The following GRIN2B variants were observed in gnomAD, a reference collection of about 807,000 sequenced individuals.
GRIN2B encodes the protein glutamate ionotropic receptor NMDA type subunit 2B.
A neutral mutation model predicts 114.5 loss-of-function variants in GRIN2B; 5 were observed. The ratio of observed to expected loss-of-function variants is 0.04; its 90% CI spans 0.02 to 0.09. The LOEUF is 0.09. GRIN2B is among the 10% of genes least tolerant of loss of function. The pLI is 1.00. For synonymous variants in GRIN2B, 787 were observed against 745.1 expected (o/e 1.06, Z -0.92); for missense variants, 1,108 against 1,943.5 (o/e 0.57, Z 8.08).
intron 2 of GRIN2B, among the ~76,000 whole-genome samples, chr12:13,886,071 C>A (rs1319391275): frequency 1.3e-5 from 2 of 152,146 alleles, no homozygotes; most frequent in African/African-American, 2.4e-5. Context: ...TGTCCCCCAA[C>A]CCAATGCACC....
intron 2 of GRIN2B, among the ~76,000 whole-genome samples, chr12:13,924,263 C>T (rs778393233): frequency 2.6e-5 from 4 of 152,100 alleles, no homozygotes; most frequent in Non-Finnish European, 5.9e-5. Flanking sequence ...AAACAGATGG[C>T]AACTCCAAAT....
At chr12:13,590,725 T>C (rs147177353) in intron 10 of GRIN2B, among the ~76,000 whole-genome samples, 235 of 152,284 alleles carry the variant, frequency 1.5e-3, no homozygotes, top group Non-Finnish European at 2.5e-3. Flanking sequence ...GCATGTGTCT[T>C]TATAGTAGAA....
intron 5 of GRIN2B, among the ~76,000 whole-genome samples, chr12:13,669,531 T>C (rs1169965534): frequency 6.6e-5 from 10 of 152,090 alleles, no homozygotes; most frequent in Non-Finnish European, 1.3e-4. Context: ...TTCACCCCCT[T>C]AGATGCCTTC....
At chr12:13,585,008 G>A (rs1031794067) in intron 10 of GRIN2B, among the ~76,000 whole-genome samples, 12 of 152,082 alleles carry the variant, frequency 7.9e-5, no homozygotes, top group Admixed American at 6.5e-5. Context: ...AAAGAGAAAT[G>A]GCCTTTAAAG....
chr12:13,852,706 A>T (rs1865590253), intron 3 of GRIN2B, among the ~76,000 whole-genome samples: 1 of 151,642 alleles, frequency 6.6e-6, no homozygotes, highest in South Asian at 2.1e-4. Flanking sequence ...AAAAAAAAAA[A>T]AAAACAGATC....
chr12:13,925,569 C>G (rs1305011160), intron 2 of GRIN2B, among the ~76,000 whole-genome samples: 1 of 152,090 alleles, frequency 6.6e-6, no homozygotes, highest in African/African-American at 2.4e-5. Context: ...ACAGTGGCAC[C>G]AGATGCTTTA....
At chr12:13,634,442 A>C (rs373845974) in intron 5 of GRIN2B, among the ~76,000 whole-genome samples, 24 of 152,180 alleles carry the variant, frequency 1.6e-4, no homozygotes, top group Admixed American at 7.2e-4. Flanking sequence ...TGATTTGGGA[A>C]CCCAAGCCAA....
chr12:13,805,358 A>G (rs1864582992), intron 3 of GRIN2B, among the ~76,000 whole-genome samples: 1 of 152,208 alleles, frequency 6.6e-6, no homozygotes, highest in African/African-American at 2.4e-5. Context: ...TAATCTAAAC[A>G]AAGTTATATC....
chr12:13,574,553 G>A (rs1333781257), intron 10 of GRIN2B, among the ~76,000 whole-genome samples: 1 of 152,088 alleles, frequency 6.6e-6, no homozygotes, highest in Non-Finnish European at 1.5e-5. Flanking sequence ...GAAAAAAATG[G>A]CAATCCATGC....
At chr12:13,800,554 T>C (rs1334241044) in intron 3 of GRIN2B, among the ~76,000 whole-genome samples, 2 of 152,196 alleles carry the variant, frequency 1.3e-5, no homozygotes, top group Non-Finnish European at 2.9e-5. Flanking sequence ...TAAATCTCCA[T>C]TAATTGTCTA....
rs544546881 is a variant in GRIN2B, at chr12:13,601,189, G to A, written c.2010+7414C>T. Among the ~76,000 whole-genome samples the A allele has an allele frequency of 2.0e-4, 31 of 152,288 alleles. No individual in the cohort carries two copies. In the South Asian group the frequency reaches 5.8e-3, roughly 29 times the overall value. Reference sequence around the variant, plus strand: ...TGTGGCAGCCATAAAAAATAGCCACGAACAGAAGCTTATTCTCACATAGTT... The same window carrying A: ...TGTGGCAGCCATAAAAAATAGCCACAAACAGAAGCTTATTCTCACATAGTT... On this transcript the variant is annotated intron_variant, in intron 10 of 13. Transcript: ENST00000609686.
chr12:13,709,391 A>G (rs1186856612), intron 4 of GRIN2B, among the ~76,000 whole-genome samples: 1 of 152,068 alleles, frequency 6.6e-6, no homozygotes, highest in African/African-American at 2.4e-5. Context: ...ATTTTAAAGC[A>G]GCTATTATAA....
intron 3 of GRIN2B, among the ~76,000 whole-genome samples, chr12:13,756,548 G>C (rs982433833): frequency 3.9e-5 from 6 of 152,146 alleles, no homozygotes; most frequent in African/African-American, 1.4e-4. Context: ...GGGGGATTCC[G>C]AAATGAGAAA....
At position 13,564,096 on chromosome 12, in the gene GRIN2B, G is replaced by C. The variant is rs1216931858; in HGVS notation, c.3142C>G (p.Arg1048Gly). Reference sequence around the variant, plus strand: ...ATCAAGTCGTCGTGGCCACTGTAGCGGTCGCTCTTGAAGGAGAATTTGCCG... The same window carrying C: ...ATCAAGTCGTCGTGGCCACTGTAGCCGTCGCTCTTGAAGGAGAATTTGCCG... ...LYGKFSFKSD[R>G]YSGHDDLIRS... Residue 1048 changes from arginine to glycine, a missense_variant, in exon 14 of 14, where the codon CGC becomes GGC. Transcript: ENST00000609686. The surrounding 1 kb of genome is among the most constrained non-coding windows in gnomAD (Gnocchi z 4.8). The C allele has an allele frequency of 1.2e-5, 20 of 1,614,160 alleles. No individual in the cohort carries two copies. Among genetic ancestry groups the C allele is most frequent in the Non-Finnish European group, 1.7e-5 (20 of 1,180,018 alleles).
At chr12:13,767,490 T>G (rs1863819665) in intron 3 of GRIN2B, among the ~76,000 whole-genome samples, 1 of 152,196 alleles carries the variant, frequency 6.6e-6, no homozygotes, top group African/African-American at 2.4e-5. Flanking sequence ...ATGATGACAT[T>G]AAGTGGATAT....
intron 4 of GRIN2B, among the ~76,000 whole-genome samples, chr12:13,751,350 C>A (rs997905708): frequency 2.0e-5 from 3 of 152,140 alleles, no homozygotes; most frequent in African/African-American, 4.8e-5. Flanking sequence ...TTTGATCACC[C>A]TGGCTGCAAT....
chr12:13,861,238 T>C (rs1174868687), intron 3 of GRIN2B, among the ~76,000 whole-genome samples: 1 of 152,216 alleles, frequency 6.6e-6, no homozygotes, highest in African/African-American at 2.4e-5. Context: ...ATAGAAAGCA[T>C]AGGTTTCAAA....
chr12:13,782,599 C>T (rs761954052), intron 3 of GRIN2B, among the ~76,000 whole-genome samples: 1 of 152,208 alleles, frequency 6.6e-6, no homozygotes, highest in African/African-American at 2.4e-5. Context: ...AATGATTCAA[C>T]ATGGTTCTCC....
intron 3 of GRIN2B, among the ~76,000 whole-genome samples, chr12:13,776,984 A>C (rs1262470867): frequency 6.6e-6 from 1 of 152,150 alleles, no homozygotes; most frequent in Non-Finnish European, 1.5e-5. Flanking sequence ...TTAATAATAC[A>C]GCGGGGCAGA....
Sources: allele counts gnomAD v4.1 joint callset (sites outside exome capture counted in the v4.1 genomes callset), GRCh38; gene constraint gnomAD v4.1.1; non-coding constraint Gnocchi (gnomAD v3.1); transcripts MANE v1.5; gene names NCBI Gene and HGNC (gene_info 2026-07-23, HGNC 2026-07-21).